NTRK3: variants seen among roughly 807,000 people sequenced by gnomAD.
NTRK3 encodes neurotrophic receptor tyrosine kinase 3, also known as NT-3 growth factor receptor.
NTRK3 carries 24 observed loss-of-function variants against 91.7 expected under a neutral mutation model. That is an observed-to-expected ratio of 0.26 (90% CI 0.19 to 0.37). The LOEUF (loss-of-function observed/expected upper bound fraction) is 0.37, where lower values mean the gene tolerates loss of function less well. Among genes scored for constraint, NTRK3 ranks in the 10% least tolerant of loss-of-function variants. The pLI is 1.00. For missense variants in NTRK3, 880 were observed against 1,068.9 expected (o/e 0.82, Z 2.46); for synonymous variants, 483 against 404.0 (o/e 1.20, Z -2.34).
intron 13 of NTRK3, among the ~76,000 whole-genome samples, chr15:88,035,688 T>G (rs1221949910): frequency 2.0e-5 from 3 of 151,910 alleles, no homozygotes; most frequent in Non-Finnish European, 4.4e-5. Context: ...TCAGCAAAGC[T>G]CCGGCATGGG....
At chr15:88,010,575 G>C (rs970242718) in intron 14 of NTRK3, among the ~76,000 whole-genome samples, 3 of 152,026 alleles carry the variant, frequency 2.0e-5, no homozygotes, top group Non-Finnish European at 4.4e-5. Context: ...ACATGGTGAA[G>C]ATATTTATAT....
At chr15:88,111,828 C>A (rs994509005) in intron 13 of NTRK3, among the ~76,000 whole-genome samples, 4 of 151,648 alleles carry the variant, frequency 2.6e-5, no homozygotes, top group Non-Finnish European at 5.9e-5. Flanking sequence ...AACAATGATA[C>A]AATTTGCTAC....
At chr15:87,962,866 A>T (rs1200399749) in intron 14 of NTRK3, among the ~76,000 whole-genome samples, 1 of 152,216 alleles carries the variant, frequency 6.6e-6, no homozygotes, top group Non-Finnish European at 1.5e-5. Context: ...CATAGAGATT[A>T]GAGGCTTCAT....
At chr15:88,201,854 C>T (rs1490265162) in intron 3 of NTRK3, among the ~76,000 whole-genome samples, 1 of 152,056 alleles carries the variant, frequency 6.6e-6, no homozygotes, top group African/African-American at 2.4e-5. Context: ...CTTTTCACAC[C>T]CCTGGAATAA....
chr15:87,879,303 A>T (rs1017544012), intron 18 of NTRK3, among the ~76,000 whole-genome samples: 1 of 152,188 alleles, frequency 6.6e-6, no homozygotes, highest in Non-Finnish European at 1.5e-5. Context: ...AGACCATAAA[A>T]AGAATTGCGA....
Position 88,020,867 on chromosome 15 carries a change from G to C in NTRK3, c.1585+11990C>G, listed in dbSNP as rs547906902. ...CTAGACCCTGCCTACTCCATGCCAA[G>C]ACCATTATATTCTCTTCTTTAAATA... On this transcript the variant is annotated intron_variant, in intron 14 of 18. Transcript: ENST00000394480. Among the ~76,000 whole-genome samples, 103 of 152,268 alleles carry C rather than the reference G, an allele frequency of 6.8e-4. 1 individual carries two copies. In the South Asian group the frequency reaches 0.02, roughly 29 times the overall value.
chr15:88,091,677 A>G (rs950657669), intron 13 of NTRK3, among the ~76,000 whole-genome samples: 7 of 152,158 alleles, frequency 4.6e-5, no homozygotes, highest in African/African-American at 1.7e-4. Context: ...TAGGGAGATC[A>G]CACACATCAA....
At chr15:88,188,327 G>A (rs896029345) in intron 3 of NTRK3, among the ~76,000 whole-genome samples, 2 of 152,182 alleles carry the variant, frequency 1.3e-5, no homozygotes, top group African/African-American at 4.8e-5. Flanking sequence ...AAAGGGAGGC[G>A]ATTTTGCCCC....
intron 5 of NTRK3, among the ~76,000 whole-genome samples, chr15:88,182,608 G>A (rs904919512): frequency 3.9e-5 from 6 of 152,130 alleles, no homozygotes; most frequent in African/African-American, 9.7e-5. Flanking sequence ...AAGGGTGTCC[G>A]AGATGGCCAC....
intron 13 of NTRK3, among the ~76,000 whole-genome samples, chr15:88,065,599 A>G (rs1426044301): frequency 6.6e-6 from 1 of 152,174 alleles, no homozygotes; most frequent in African/African-American, 2.4e-5. Flanking sequence ...CATCTGGATG[A>G]CTGTCCCCAT....
At chr15:87,877,053 T>C (rs1392336886) in exon 19 of NTRK3, 1 of 1,613,996 alleles carries the variant, frequency 6.2e-7, no homozygotes, top group Non-Finnish European at 8.5e-7. Flanking sequence ...CAGCATGACA[T>C]CGTACACCTC....
intron 13 of NTRK3, among the ~76,000 whole-genome samples, chr15:88,094,111 T>C (rs568640531): frequency 1.3e-5 from 2 of 151,964 alleles, no homozygotes; most frequent in East Asian, 1.9e-4. Flanking sequence ...AAAAAGCCAG[T>C]GGAAGGGGCT....
At chr15:88,069,476 G>A (rs28628161) in intron 13 of NTRK3, among the ~76,000 whole-genome samples, 13,274 of 152,240 alleles carry the variant, frequency 0.087, 940 homozygotes, top group African/African-American at 0.19. Context: ...ATGATGCAGC[G>A]GTGTCAGGGG....
intron 15 of NTRK3, among the ~76,000 whole-genome samples, chr15:87,936,359 T>A (rs1346396599): frequency 1.3e-5 from 2 of 152,122 alleles, no homozygotes; most frequent in Non-Finnish European, 2.9e-5. Flanking sequence ...TATCTTCCCC[T>A]CTACGTGCAT....
intron 13 of NTRK3, among the ~76,000 whole-genome samples, chr15:88,061,814 C>G (rs28373393): frequency 0.31 from 46,553 of 151,942 alleles, 7,309 homozygotes; most frequent in Non-Finnish European, 0.35. Flanking sequence ...TGTGGAGGCA[C>G]TCAGAGCTGG....
intron 15 of NTRK3, among the ~76,000 whole-genome samples, chr15:87,933,835 C>G (rs562767375): frequency 6.6e-6 from 1 of 152,184 alleles, no homozygotes; most frequent in East Asian, 1.9e-4. Flanking sequence ...AGTTAGTGGA[C>G]AGAAATCTCA....
intron 13 of NTRK3, among the ~76,000 whole-genome samples, chr15:88,070,847 C>T (rs567579843): frequency 3.1e-3 from 475 of 151,986 alleles, no homozygotes; most frequent in African/African-American, 0.011. Context: ...TTAACCAGCA[C>T]CCAAAAAGAA....
intron 3 of NTRK3, among the ~76,000 whole-genome samples, chr15:88,227,212 C>G (rs979462453): frequency 3.3e-5 from 5 of 152,156 alleles, no homozygotes; most frequent in African/African-American, 1.2e-4. Flanking sequence ...CTCCCATCCA[C>G]TGGCTCTTCC....
intron 14 of NTRK3, among the ~76,000 whole-genome samples, chr15:88,009,884 T>A (rs1362094498): frequency 6.6e-6 from 1 of 152,180 alleles, no homozygotes; most frequent in African/African-American, 2.4e-5. Context: ...AAAAGCACAC[T>A]ACAGACTGCT....
Sources: gnomAD v4.1 joint callset for allele counts (sites outside exome capture counted in the v4.1 genomes callset) on GRCh38, gnomAD v4.1.1 for gene constraint, MANE v1.5 for transcripts, NCBI Gene and HGNC (gene_info 2026-07-23, HGNC 2026-07-21) for gene names.